ATP11A: variants seen among roughly 807,000 people sequenced by gnomAD.
ATP11A encodes the protein phospholipid-transporting ATPase IH.
A neutral mutation model predicts 154.4 loss-of-function variants in ATP11A; 81 were observed. That is an observed-to-expected ratio of 0.52 (90% CI 0.44 to 0.63). ATP11A has a LOEUF of 0.63. Ranked by LOEUF, ATP11A falls within the 30% of genes least tolerant of loss-of-function variation. The probability of loss-of-function intolerance (pLI) is 0.00; values close to 1 mark genes in which losing one functional copy is unlikely to be tolerated. For synonymous variants in ATP11A, 623 were observed against 585.9 expected (o/e 1.06, Z -0.91); for missense variants, 1,316 against 1,474.3 (o/e 0.89, Z 1.76).
intron 5 of ATP11A, among the ~76,000 whole-genome samples, chr13:112,814,125 G>A (rs189832761): frequency 1.1e-4 from 16 of 151,662 alleles, no homozygotes; most frequent in South Asian, 4.1e-4. Flanking sequence ...ATGCAGTGGC[G>A]CAATCTCGGC....
intron 12 of ATP11A, 93 bp from the exon 13 acceptor site, chr13:112,831,282 G>A: frequency 7.2e-7 from 1 of 1,382,212 alleles, no homozygotes; most frequent in Non-Finnish European, 1.0e-6. Context: ...AGTCACAGTG[G>A]GAGCTGGGGA....
chr13:112,747,709 G>A (rs1051877817), intron 1 of ATP11A, among the ~76,000 whole-genome samples: 3 of 152,156 alleles, frequency 2.0e-5, no homozygotes, highest in East Asian at 1.9e-4. Flanking sequence ...TGTGGTGCAC[G>A]CCTGTAATCC....
intron 1 of ATP11A, among the ~76,000 whole-genome samples, chr13:112,710,075 C>T (rs552128033): frequency 1.9e-4 from 29 of 152,356 alleles, no homozygotes; most frequent in Middle Eastern, 6.8e-3. Flanking sequence ...CCTGGAACTG[C>T]GTGACACCCG....
At chr13:112,831,044 CCCCA>C (rs1161970325) in intron 12 of ATP11A, among the ~76,000 whole-genome samples, 1 of 152,146 alleles carries the variant, frequency 6.6e-6, no homozygotes, top group Non-Finnish European at 1.5e-5. Context: ...GGAGCCCTGG[CCCCA>C]CCCATGTCTC....
At chr13:112,864,648 A>C (rs13378509) in intron 25 of ATP11A, among the ~76,000 whole-genome samples, 80 of 32,304 alleles carry the variant, frequency 2.5e-3, no homozygotes, top group African/African-American at 6.9e-3. Context: ...CCATCACCAC[A>C]TGGGCAGTAA....
intron 1 of ATP11A, among the ~76,000 whole-genome samples, chr13:112,755,789 C>T (rs924017619): frequency 1.3e-4 from 19 of 141,898 alleles, no homozygotes; most frequent in Non-Finnish European, 2.7e-4. Flanking sequence ...GTCACGGAAG[C>T]GGCACTCAGA....
At chr13:112,779,174 C>T (rs549500662) in intron 1 of ATP11A, among the ~76,000 whole-genome samples, 16 of 93,328 alleles carry the variant, frequency 1.7e-4, no homozygotes, top group East Asian at 1.1e-3. Context: ...CACTGGAGTA[C>T]GAGTAGCCGC....
chr13:112,716,922 G>T (rs948528888), intron 1 of ATP11A, among the ~76,000 whole-genome samples: 1 of 32,612 alleles, frequency 3.1e-5, no homozygotes, highest in Admixed American at 3.9e-4. Flanking sequence ...TGGACATCCG[G>T]GAGCTGGAGG....
rs1885028563 is a variant in ATP11A, at chr13:112,690,514, CG to C, written c.39+60del. ...GGACCAGACAGACGCGGGCCGGCCC[CG>C]CAGCCCGGACCCTGTGGCCGGTCCA... On this transcript the variant is annotated intron_variant, in intron 1 of 29. Coordinates refer to ENST00000375645, the MANE Select transcript of ATP11A (RefSeq NM_015205.3). The surrounding 1 kb of genome is among the most constrained non-coding windows in gnomAD (Gnocchi z 5.6). The C allele has an allele frequency of 7.9e-7, 1 of 1,266,940 alleles. No individual in the cohort carries two copies. Among genetic ancestry groups the C allele is most frequent in the African/African-American group, 1.5e-5 (1 of 64,824 alleles). 78.5% of individuals were successfully genotyped at this position (1,266,940 alleles called of 1,614,324 possible). A position where few individuals can be genotyped will look rare whatever the true frequency, so the allele number is the denominator to read the frequency against.
At chr13:112,702,204 G>C (rs557320822) in intron 1 of ATP11A, among the ~76,000 whole-genome samples, 3 of 151,968 alleles carry the variant, frequency 2.0e-5, no homozygotes, top group Non-Finnish European at 2.9e-5. Flanking sequence ...AAATTAGCTG[G>C]GCATCGTGGC....
chr13:112,797,356 T>C (rs2078029552), intron 2 of ATP11A, among the ~76,000 whole-genome samples: 2 of 141,834 alleles, frequency 1.4e-5, no homozygotes, highest in African/African-American at 5.3e-5. Context: ...AGAAGAAATA[T>C]CTCCAGTAAA....
At position 112,754,340 on chromosome 13, in the gene ATP11A, A is replaced by G. The variant is rs919731314; in HGVS notation, c.40-30795A>G. Among the ~76,000 whole-genome samples, 3 of 151,968 alleles carry G rather than the reference A, an allele frequency of 2.0e-5. No individual in the cohort carries two copies. Among genetic ancestry groups the G allele is most frequent in the African/African-American group, 7.3e-5 (3 of 41,344 alleles). On this transcript the variant is annotated intron_variant, in intron 1 of 29. Transcript: ENST00000375645. The surrounding 1 kb of genome is among the most constrained non-coding windows in gnomAD (Gnocchi z 5.3). ...CTGGTCCCCAGTCCCACCTCTGCATATGCCTCCAGATAACGCTCGCCATGT... is the reference window on the plus strand; with the variant it reads ...CTGGTCCCCAGTCCCACCTCTGCATGTGCCTCCAGATAACGCTCGCCATGT...
At chr13:112,874,589 G>C (rs989393387) in intron 27 of ATP11A, among the ~76,000 whole-genome samples, 1 of 152,152 alleles carries the variant, frequency 6.6e-6, no homozygotes, top group African/African-American at 2.4e-5. Context: ...AGCCGGCCTA[G>C]GGAAAGCCAG....
intron 1 of ATP11A, among the ~76,000 whole-genome samples, chr13:112,737,149 C>G (rs1026114211): frequency 4.6e-5 from 7 of 152,150 alleles, no homozygotes; most frequent in Non-Finnish European, 8.8e-5. Flanking sequence ...AGAAGCCAGA[C>G]AGGAAGAGTA....
At chr13:112,790,038 G>A (rs550344545) in intron 2 of ATP11A, among the ~76,000 whole-genome samples, 7 of 151,326 alleles carry the variant, frequency 4.6e-5, no homozygotes, top group African/African-American at 1.7e-4. Flanking sequence ...GTAGACCCCT[G>A]TGGCGACCTA....
rs767272882 is a variant in ATP11A, at chr13:112,824,417, C to T, written c.864C>T (p.Ala288=). The change falls in exon 10 of 30, where the codon GCC becomes GCT. Residue 288 remains alanine, a synonymous_variant. Coordinates refer to ENST00000375645, the MANE Select transcript of ATP11A (RefSeq NM_015205.3). ...AATCAAAATCTCAGAAGCGATCTGC[C>T]GTGGAAAAGTAAGGCTGGATGCGCG... ...NYQSKSQKRS[A]VEKSMNAFLI... The T allele has an allele frequency of 4.3e-6, 7 of 1,614,044 alleles. No individual in the cohort carries two copies. Among genetic ancestry groups the T allele is most frequent in the Middle Eastern group, 1.6e-4 (1 of 6,062 alleles).
chr13:112,720,837 C>T (rs1566379363), intron 1 of ATP11A, among the ~76,000 whole-genome samples: 4 of 152,140 alleles, frequency 2.6e-5, no homozygotes, highest in South Asian at 2.1e-4. Context: ...ATTAGTCTTC[C>T]GTGATGTCTA....
chr13:112,780,088 T>A (rs1216053354), intron 1 of ATP11A, among the ~76,000 whole-genome samples: 1 of 151,856 alleles, frequency 6.6e-6, no homozygotes, highest in Non-Finnish European at 1.5e-5. Context: ...AATGAGAAAG[T>A]GTGGAAATAA....
chr13:112,797,771 T>G (rs1180629807), intron 2 of ATP11A, among the ~76,000 whole-genome samples: 1 of 152,202 alleles, frequency 6.6e-6, no homozygotes, highest in Non-Finnish European at 1.5e-5. Context: ...GCAAGAAATG[T>G]TAAAAGTTCT....
Sources: allele counts gnomAD v4.1 joint callset (sites outside exome capture counted in the v4.1 genomes callset), GRCh38; gene constraint gnomAD v4.1.1; non-coding constraint Gnocchi (gnomAD v3.1); transcripts MANE v1.5; gene names NCBI Gene and HGNC (gene_info 2026-07-23, HGNC 2026-07-21).